EXPH5: variants seen among roughly 807,000 people sequenced by gnomAD.
EXPH5 encodes exophilin 5.
EXPH5 carries 42 observed loss-of-function variants against 41.1 expected under a neutral mutation model. That is an observed-to-expected ratio of 1.02 (90% CI 0.80 to 1.32). EXPH5 has a LOEUF of 1.32. EXPH5 is among the 40% of genes most tolerant of loss of function. The pLI, the probability that EXPH5 is intolerant of heterozygous loss-of-function variation, is 0.00. For synonymous variants in EXPH5, 798 were observed against 833.5 expected (o/e 0.96, Z 0.73); for missense variants, 2,298 against 2,314.5 (o/e 0.99, Z 0.15).
intron 1 of EXPH5, among the ~76,000 whole-genome samples, chr11:108,580,022 A>G (rs1344240397): frequency 6.6e-6 from 1 of 152,238 alleles, no homozygotes; most frequent in African/African-American, 2.4e-5. Flanking sequence ...CCTCAAAAAC[A>G]TAGGCAACAA....
At chr11:108,558,795 G>A (rs967824777) in intron 1 of EXPH5, among the ~76,000 whole-genome samples, 6 of 152,124 alleles carry the variant, frequency 3.9e-5, no homozygotes, top group East Asian at 1.9e-4. Flanking sequence ...TTCTGGAGGC[G>A]GAAAGTTTAC....
At chr11:108,544,637 A>ATTG in intron 1 of EXPH5, among the ~76,000 whole-genome samples, 1 of 152,232 alleles carries the variant, frequency 6.6e-6, no homozygotes, top group East Asian at 1.9e-4. Flanking sequence ...CCACTCCAGG[A>ATTG]AATTTATCTT....
In EXPH5 at chr11:108,512,002, A is replaced by G. The variant is rs199844387; in HGVS notation, c.3505T>C (p.Ser1169Pro). 3.3e-5 allele frequency: 53 copies of G among 1,593,322 alleles called. No individual in the cohort carries two copies. Among genetic ancestry groups the G allele is most frequent in the Non-Finnish European group, 4.3e-5 (51 of 1,173,518 alleles). ...RIISPVESDS[S>P]VRDCSLTKRQ... ...TTGGTTAAAGAACAATCTCTAACAG[A>G]TGAGTCACTTTCCACAGGGCTAATG... The change falls in exon 6 of 6, where the codon TCT becomes CCT. Residue 1169 changes from serine (S) to proline (P), a missense_variant. Ser to Pro is a moderately conservative substitution (Grantham distance 74). Transcript: ENST00000265843.
At chr11:108,553,056 T>A (rs1374672730) in intron 1 of EXPH5, among the ~76,000 whole-genome samples, 1 of 151,574 alleles carries the variant, frequency 6.6e-6, no homozygotes. Flanking sequence ...AAATTAGCCA[T>A]GTGTAATGGC....
Position 108,507,373 on chromosome 11 carries a change from A to G in EXPH5, c.*2164T>C, listed in dbSNP as rs1340900529. The G allele has an allele frequency of 3.9e-5, 6 of 152,348 alleles. No individual in the cohort carries two copies. Among genetic ancestry groups the G allele is most frequent in the African/African-American group, 1.2e-4 (5 of 41,578 alleles). 9.4% of individuals were successfully genotyped at this position (152,348 alleles called of 1,614,324 possible). A position where few individuals can be genotyped will look rare whatever the true frequency, so the allele number is the denominator to read the frequency against. ...ATCTCTATACACTTCACCAACATCTATCATTATTCTTAGTTTATAATGATG... is the reference window on the plus strand; with the variant it reads ...ATCTCTATACACTTCACCAACATCTGTCATTATTCTTAGTTTATAATGATG... On this transcript the variant is annotated 3_prime_UTR_variant, in exon 6 of 6. Coordinates refer to ENST00000265843, the MANE Select transcript of EXPH5 (RefSeq NM_015065.3).
chr11:108,576,048 T>G (rs2094078704), intron 1 of EXPH5, among the ~76,000 whole-genome samples: 1 of 152,204 alleles, frequency 6.6e-6, no homozygotes, highest in African/African-American at 2.4e-5. Flanking sequence ...AGAATTACCA[T>G]ATGTTCCAGT....
chr11:108,510,448 C>T lies in EXPH5; in HGVS notation c.5059G>A (p.Val1687Ile), dbSNP rs115033293. 378 of 1,613,926 alleles carry T rather than the reference C, an allele frequency of 2.3e-4. 2 individuals carry two copies. The African/African-American group carries it at 3.8e-3, about 16-fold the overall frequency. ...VLPNREPSTHVSNQKSNSISQ... is the reference protein window; with the variant it reads ...VLPNREPSTHISNQKSNSISQ... ...ATGCTGTTAGACTTCTGGTTGCTGA[C>T]GTGTGTAGAAGGTTCTCTGTTGGGT... The change falls in exon 6 of 6, where the codon GTC (valine) becomes ATC (isoleucine). Residue 1687 changes from valine (V) to isoleucine (I), a missense_variant. Coordinates refer to ENST00000265843, the MANE Select transcript of EXPH5 (RefSeq NM_015065.3).
At chr11:108,541,489 T>G (rs1439929731) in intron 2 of EXPH5, among the ~76,000 whole-genome samples, 163 bp downstream of exon 2, 3 of 147,588 alleles carry the variant, frequency 2.0e-5, no homozygotes, top group Non-Finnish European at 4.5e-5. Flanking sequence ...TTCAGTTCAC[T>G]TTTTTTTTTT....
chr11:108,554,187 C>A (rs2093980601), intron 1 of EXPH5, among the ~76,000 whole-genome samples: 2 of 151,920 alleles, frequency 1.3e-5, no homozygotes, highest in Non-Finnish European at 2.9e-5. Flanking sequence ...CCTCAGCCTC[C>A]TGAGTAGCTG....
Position 108,513,344 on chromosome 11 carries a change from G to A in EXPH5, c.2163C>T (p.Asn721=). The A allele has an allele frequency of 6.2e-7, 1 of 1,613,992 alleles. No homozygotes were observed. Among genetic ancestry groups the A allele is most frequent in the Non-Finnish European group, 8.5e-7 (1 of 1,179,922 alleles). The part of the protein sequence containing the change: ...DKQLSKMDQT[N]KAGEIPQPVS... The stretch of plus-strand genomic sequence containing the variant: ...CAGGTTGGGGTATTTCACCTGCCTT[G>A]TTTGTCTGGTCCATCTTGCTTAGCT... The change falls in exon 6 of 6, where the codon AAC becomes AAT. Residue 721 remains asparagine (N), a synonymous_variant. Transcript: ENST00000265843.
intron 1 of EXPH5, among the ~76,000 whole-genome samples, chr11:108,572,740 G>T (rs1356307197): frequency 6.6e-6 from 1 of 151,918 alleles, no homozygotes; most frequent in Non-Finnish European, 1.5e-5. Flanking sequence ...TGTATTTTTA[G>T]TAGAGATGGG....
At chr11:108,589,055 G>C (rs2094121276) in intron 1 of EXPH5, among the ~76,000 whole-genome samples, 1 of 152,182 alleles carries the variant, frequency 6.6e-6, no homozygotes, top group Non-Finnish European at 1.5e-5. Flanking sequence ...GTGACTTCCA[G>C]GCATTGTTCT....
chr11:108,555,598 T>C (rs957928767), intron 1 of EXPH5, among the ~76,000 whole-genome samples: 1 of 152,138 alleles, frequency 6.6e-6, no homozygotes, highest in Non-Finnish European at 1.5e-5. Flanking sequence ...CCACCCAAAA[T>C]CTCATCTTGA....
chr11:108,555,176 C>T, intron 1 of EXPH5, among the ~76,000 whole-genome samples: 1 of 152,254 alleles, frequency 6.6e-6, no homozygotes, highest in East Asian at 1.9e-4. Flanking sequence ...GGCTAGCTCT[C>T]ACACTGCACT....
chr11:108,557,604 T>C (rs1591736072), intron 1 of EXPH5, among the ~76,000 whole-genome samples: 3 of 152,262 alleles, frequency 2.0e-5, no homozygotes, highest in East Asian at 3.9e-4. Flanking sequence ...CTCCTCAGCC[T>C]CCCGAAGTGC....
chr11:108,571,010 G>A (rs1430071193), intron 1 of EXPH5, among the ~76,000 whole-genome samples: 1 of 152,186 alleles, frequency 6.6e-6, no homozygotes, highest in African/African-American at 2.4e-5. Context: ...GGCTCTGGAA[G>A]GCCCAGGACA....
At chr11:108,596,070 C>A (rs116236516), upstream of EXPH5, among the ~76,000 whole-genome samples, 264 of 152,146 alleles carry the variant, frequency 1.7e-3, 3 homozygotes, top group African/African-American at 6.0e-3. Flanking sequence ...GCATGTGCAC[C>A]TGTAGTCCCA....
intron 1 of EXPH5, among the ~76,000 whole-genome samples, chr11:108,575,971 T>A (rs369826686): frequency 8.5e-5 from 13 of 152,166 alleles, no homozygotes; most frequent in African/African-American, 2.6e-4. Context: ...CAAAATAAAT[T>A]AATTAATTAA....
At chr11:108,532,366 A>ATTTTTTTT (rs1168217383) in intron 3 of EXPH5, among the ~76,000 whole-genome samples, 1 of 32,138 alleles carries the variant, frequency 3.1e-5, no homozygotes, top group African/African-American at 2.0e-4. Flanking sequence ...ATATATATAT[A>ATTTTTTTT]TTTTTTTTTT....
Sources: gnomAD v4.1 joint callset for allele counts (sites outside exome capture counted in the v4.1 genomes callset) on GRCh38, gnomAD v4.1.1 for gene constraint, MANE v1.5 for transcripts, NCBI Gene and HGNC (gene_info 2026-07-23, HGNC 2026-07-21) for gene names.